The following CDH6 variants were observed in gnomAD, a reference collection of about 807,000 sequenced individuals.
CDH6 encodes cadherin 6.
Under a neutral mutation model 78.0 loss-of-function variants are expected in CDH6, and 31 were observed. The ratio of observed to expected loss-of-function variants is 0.40; its 90% CI spans 0.30 to 0.54. CDH6 has a LOEUF of 0.54. CDH6 is among the 20% of genes least tolerant of loss of function. The probability of loss-of-function intolerance (pLI) is 0.56; values close to 1 mark genes in which losing one functional copy is unlikely to be tolerated. For missense variants in CDH6, 724 were observed against 975.9 expected, an observed-to-expected ratio of 0.74 and a Z score of 3.44; for synonymous variants, 376 against 368.8, an observed-to-expected ratio of 1.02 and a Z score of -0.23.
chr5:31,200,492 T>A (rs1740320051), intron 1 of CDH6, among the ~76,000 whole-genome samples: 2 of 151,992 alleles, frequency 1.3e-5, no homozygotes, highest in Admixed American at 1.3e-4. Context: ...TGACCACATT[T>A]ATTTTGTTAC....
At chr5:31,208,061 A>G (rs1740585760) in intron 1 of CDH6, among the ~76,000 whole-genome samples, 2 of 152,312 alleles carry the variant, frequency 1.3e-5, no homozygotes, top group African/African-American at 4.8e-5. Flanking sequence ...GGGAGCCCAC[A>G]CTATTTATTG....
At chr5:31,232,294 G>A (rs934701608) in intron 1 of CDH6, among the ~76,000 whole-genome samples, 1 of 152,106 alleles carries the variant, frequency 6.6e-6, no homozygotes, top group African/African-American at 2.4e-5. Flanking sequence ...ATACATAACT[G>A]GAAAACAGTA....
intron 2 of CDH6, among the ~76,000 whole-genome samples, chr5:31,273,240 AT>A (rs917659112): frequency 1.3e-5 from 2 of 151,576 alleles, no homozygotes; most frequent in African/African-American, 2.4e-5. Flanking sequence ...TCTTACACTA[AT>A]TTTTTTTTCC....
At chr5:31,312,962 C>CACACAA (rs1310205288) in intron 7 of CDH6, among the ~76,000 whole-genome samples, 1 of 151,740 alleles carries the variant, frequency 6.6e-6, no homozygotes, top group Non-Finnish European at 1.5e-5. Context: ...CACACACACA[C>CACACAA]ACACACACAT....
chr5:31,201,427 A>G (rs983021946), intron 1 of CDH6, among the ~76,000 whole-genome samples: 1 of 152,194 alleles, frequency 6.6e-6, no homozygotes, highest in African/African-American at 2.4e-5. Flanking sequence ...AATAAAAAAA[A>G]TCATTGGTCA....
intron 1 of CDH6, among the ~76,000 whole-genome samples, chr5:31,206,150 A>AGAC (rs1740514502): frequency 8.3e-6 from 1 of 120,328 alleles, no homozygotes; most frequent in Non-Finnish European, 1.9e-5. Flanking sequence ...ATAGATAGAT[A>AGAC]GATGATAGAA....
chr5:31,274,760 C>T (rs1742644802), intron 2 of CDH6, among the ~76,000 whole-genome samples: 1 of 152,196 alleles, frequency 6.6e-6, no homozygotes, highest in African/African-American at 2.4e-5. Flanking sequence ...GCAAAGGTTG[C>T]AGTGAGCCGA....
chr5:31,320,974 G>A (rs1397512238), intron 11 of CDH6, among the ~76,000 whole-genome samples: 1 of 108,482 alleles, frequency 9.2e-6, no homozygotes, highest in Non-Finnish European at 2.0e-5. Flanking sequence ...GTGAGATTCT[G>A]TCTTAAAAAA....
intron 1 of CDH6, among the ~76,000 whole-genome samples, chr5:31,218,091 TAATAC>T (rs1370846927): frequency 6.6e-6 from 1 of 152,162 alleles, no homozygotes; most frequent in African/African-American, 2.4e-5. Flanking sequence ...ATTATTATTA[TAATAC>T]ATTTGAAATT....
intron 1 of CDH6, among the ~76,000 whole-genome samples, chr5:31,199,552 A>G (rs1301309056): frequency 1.4e-5 from 2 of 147,068 alleles, no homozygotes; most frequent in South Asian, 2.1e-4. Context: ...ATACACACAT[A>G]TGTGTATATA....
At chr5:31,264,846 G>A (rs56795299) in intron 1 of CDH6, among the ~76,000 whole-genome samples, 5 of 152,142 alleles carry the variant, frequency 3.3e-5, no homozygotes, top group Non-Finnish European at 7.4e-5. Flanking sequence ...CTAAGAAAAA[G>A]AATGAAATAC....
chr5:31,235,535 T>C (rs530855458), intron 1 of CDH6, among the ~76,000 whole-genome samples: 303 of 152,312 alleles, frequency 2.0e-3, no homozygotes, highest in Non-Finnish European at 3.4e-3. Context: ...TAAGTACTCA[T>C]ACAATTTCTC....
At position 31,267,428 on chromosome 5, in the gene CDH6, C is replaced by A; in HGVS notation, c.-46C>A. The A allele has an allele frequency of 6.9e-7, 1 of 1,453,614 alleles. No individual in the cohort carries two copies. Among genetic ancestry groups the A allele is most frequent in the Non-Finnish European group, 9.7e-7 (1 of 1,035,636 alleles). The allele number at this position is 1,453,614 out of a possible 1,614,324, so 90.0% of individuals were successfully genotyped here. ...TACGGTGCAGTGAAAAAGGCACTTC[C>A]AAGAGTGGGGCACTCACTACGCACA... On this transcript the variant is annotated 5_prime_UTR_variant, in exon 2 of 12. Transcript: ENST00000265071.
chr5:31,246,780 G>C (rs1741760721), intron 1 of CDH6, among the ~76,000 whole-genome samples: 1 of 152,182 alleles, frequency 6.6e-6, no homozygotes, highest in Non-Finnish European at 1.5e-5. Context: ...TTCTGAGACA[G>C]AGTCTTGCTC....
intron 10 of CDH6, 51 bp from the exon 11 acceptor site, chr5:31,317,622 A>G (rs774541636): frequency 2.3e-5 from 37 of 1,583,520 alleles, no homozygotes; most frequent in Non-Finnish European, 3.1e-5. Context: ...AGTTGATTTA[A>G]TACATGACGC....
intron 9 of CDH6, among the ~76,000 whole-genome samples, chr5:31,317,133 A>G (rs1424406641): frequency 1.3e-5 from 2 of 152,196 alleles, no homozygotes; most frequent in Non-Finnish European, 2.9e-5. Flanking sequence ...GGTAGAGGCC[A>G]GGGTGGCTGC....
chr5:31,283,369 G>A (rs1742915781), intron 2 of CDH6, among the ~76,000 whole-genome samples: 1 of 152,148 alleles, frequency 6.6e-6, no homozygotes, highest in Non-Finnish European at 1.5e-5. Context: ...AATGTGTTGT[G>A]GTTAATAGAG....
chr5:31,227,176 C>T (rs1176482693), intron 1 of CDH6, among the ~76,000 whole-genome samples: 2 of 152,072 alleles, frequency 1.3e-5, no homozygotes, highest in Non-Finnish European at 2.9e-5. Flanking sequence ...CCCACTTCAC[C>T]CCCTTTCTGA....
chr5:31,209,177 A>C (rs1740622999), intron 1 of CDH6, among the ~76,000 whole-genome samples: 1 of 152,196 alleles, frequency 6.6e-6, no homozygotes, highest in Non-Finnish European at 1.5e-5. Flanking sequence ...TTTTTAACAT[A>C]AGTGAATTTC....
Sources: gnomAD v4.1 joint callset for allele counts (sites outside exome capture counted in the v4.1 genomes callset) on GRCh38, gnomAD v4.1.1 for gene constraint, MANE v1.5 for transcripts, NCBI Gene and HGNC (gene_info 2026-07-23, HGNC 2026-07-21) for gene names.